PTPRT: variants seen among roughly 807,000 people sequenced by gnomAD.
PTPRT encodes the protein receptor-type tyrosine-protein phosphatase T.
A neutral mutation model predicts 176.8 loss-of-function variants in PTPRT; 56 were observed. That is an observed-to-expected ratio of 0.32 (90% confidence interval 0.26 to 0.40). The LOEUF (loss-of-function observed/expected upper bound fraction) is 0.40, where lower values mean the gene tolerates loss of function less well. Among genes scored for constraint, PTPRT ranks in the 10% least tolerant of loss-of-function variants. The pLI is 1.00. For missense variants in PTPRT, 1,540 were observed against 1,908.2 expected, an observed-to-expected ratio of 0.81 and a Z score of 3.60; for synonymous variants, 783 against 739.0, an observed-to-expected ratio of 1.06 and a Z score of -0.96.
intron 12 of PTPRT, among the ~76,000 whole-genome samples, chr20:42,310,118 T>C (rs916971073): frequency 5.3e-5 from 8 of 151,868 alleles, no homozygotes; most frequent in East Asian, 1.9e-4. Context: ...GTGAAAAACA[T>C]GTTGGAATGT....
At position 42,880,943 on chromosome 20, in the gene PTPRT, T is replaced by C. The variant is rs1003787228; in HGVS notation, c.214+4864A>G. ...ATTCACAGAGGTGGGGTGGAGGAAA[T>C]GTCTAAGCCCTCGATGCAGCAATGC... On this transcript the variant is annotated intron_variant, in intron 2 of 30. Coordinates refer to ENST00000373187, the MANE Select transcript of PTPRT (RefSeq NM_007050.6). 2.0e-5 allele frequency among the ~76,000 whole-genome samples: 3 copies of C among 152,224 alleles called. No homozygotes were observed. In the South Asian group the frequency reaches 6.2e-4, roughly 32 times the overall value.
chr20:42,389,087 G>A (rs59123936), intron 9 of PTPRT, among the ~76,000 whole-genome samples: 17,600 of 148,576 alleles, frequency 0.12, 1,452 homozygotes, highest in East Asian at 0.37. Flanking sequence ...GAGAACACTC[G>A]GACACAGGAA....
At chr20:42,689,423 G>A (rs774725303) in intron 6 of PTPRT, among the ~76,000 whole-genome samples, 2 of 152,116 alleles carry the variant, frequency 1.3e-5, no homozygotes, top group African/African-American at 2.4e-5. Context: ...ATCTCACTGA[G>A]AGCCACCTCC....
At chr20:42,723,413 T>C (rs1178885969) in intron 6 of PTPRT, among the ~76,000 whole-genome samples, 1 of 152,096 alleles carries the variant, frequency 6.6e-6, no homozygotes, top group East Asian at 1.9e-4. Flanking sequence ...CAGGGCGGCC[T>C]TCCCGGTGAG....
chr20:42,174,817 A>C (rs1990222871), intron 16 of PTPRT, among the ~76,000 whole-genome samples: 1 of 152,196 alleles, frequency 6.6e-6, no homozygotes, highest in South Asian at 2.1e-4. Flanking sequence ...CAAGTTACTC[A>C]ATCTCTCTGA....
chr20:42,814,236 G>A (rs2077743798), intron 2 of PTPRT, among the ~76,000 whole-genome samples: 1 of 151,964 alleles, frequency 6.6e-6, no homozygotes, highest in Non-Finnish European at 1.5e-5. Context: ...CCCTTGTTTT[G>A]GTGTTGTGGT....
intron 1 of PTPRT, among the ~76,000 whole-genome samples, chr20:42,944,510 A>C (rs1306876480): frequency 6.6e-6 from 1 of 152,128 alleles, no homozygotes; most frequent in Non-Finnish European, 1.5e-5. Context: ...TCTCAATTCT[A>C]TTCCTCCAAC....
intron 2 of PTPRT, among the ~76,000 whole-genome samples, chr20:42,848,168 C>T (rs1262179876): frequency 6.6e-6 from 1 of 152,116 alleles, no homozygotes; most frequent in Non-Finnish European, 1.5e-5. Context: ...TATTTTGTTC[C>T]TTTTTATGGC....
chr20:42,304,033 C>T (rs183466725), intron 12 of PTPRT, among the ~76,000 whole-genome samples: 84 of 152,266 alleles, frequency 5.5e-4, no homozygotes, highest in Admixed American at 2.9e-3. Flanking sequence ...ACTTGAGGAC[C>T]ATGATGTAAA....
intron 7 of PTPRT, among the ~76,000 whole-genome samples, chr20:42,578,000 T>G (rs886893485): frequency 6.6e-6 from 1 of 150,466 alleles, no homozygotes; most frequent in African/African-American, 2.4e-5. Flanking sequence ...TGAATTCCCA[T>G]TAGGAGGTGG....
At chr20:42,418,423 A>G (rs1434526388) in intron 9 of PTPRT, among the ~76,000 whole-genome samples, 1 of 152,226 alleles carries the variant, frequency 6.6e-6, no homozygotes, top group Non-Finnish European at 1.5e-5. Flanking sequence ...AACTGACCAC[A>G]TTATCAGCCT....
chr20:42,199,581 C>T (rs181838913), intron 15 of PTPRT, among the ~76,000 whole-genome samples, 193 bp from the exon 16 acceptor site: 29 of 152,292 alleles, frequency 1.9e-4, no homozygotes, highest in African/African-American at 6.7e-4. Context: ...ACGCTGCTGC[C>T]TCACCCCCGA....
At chr20:42,506,471 A>T (rs1159516276) in intron 7 of PTPRT, among the ~76,000 whole-genome samples, 1 of 152,130 alleles carries the variant, frequency 6.6e-6, no homozygotes, top group Non-Finnish European at 1.5e-5. Flanking sequence ...CTATTTCCAG[A>T]GTACTTTCCT....
intron 1 of PTPRT, among the ~76,000 whole-genome samples, chr20:43,165,742 G>C (rs75556628): frequency 6.6e-6 from 1 of 152,284 alleles, no homozygotes; most frequent in African/African-American, 2.4e-5. Context: ...TAAAATGGGA[G>C]AGATATGGTC....
At chr20:42,567,067 T>C (rs1489944716) in intron 7 of PTPRT, among the ~76,000 whole-genome samples, 1 of 151,962 alleles carries the variant, frequency 6.6e-6, no homozygotes, top group Non-Finnish European at 1.5e-5. Context: ...ATGTCAGGAG[T>C]TCGAGACCAG....
intron 7 of PTPRT, among the ~76,000 whole-genome samples, chr20:42,476,560 T>G (rs6093652): frequency 6.6e-5 from 10 of 152,106 alleles, no homozygotes; most frequent in African/African-American, 2.2e-4. Flanking sequence ...TACTGAAATC[T>G]TGGGAGATGA....
intron 1 of PTPRT, among the ~76,000 whole-genome samples, chr20:43,032,974 T>A (rs1465033360): frequency 6.6e-6 from 1 of 152,214 alleles, no homozygotes; most frequent in Non-Finnish European, 1.5e-5. Context: ...GCCAAGCCAT[T>A]GTGTCCTTAA....
At chr20:42,122,591 C>A (rs181123833) in intron 19 of PTPRT, among the ~76,000 whole-genome samples, 2 of 152,152 alleles carry the variant, frequency 1.3e-5, no homozygotes, top group Non-Finnish European at 2.9e-5. Flanking sequence ...CTCAAGTCTG[C>A]CCTCTTCTGC....
At position 42,109,270 on chromosome 20, in the gene PTPRT, A is replaced by G. The variant is rs150868814; in HGVS notation, c.3254+1063T>C. On this transcript the variant is annotated intron_variant, in intron 23 of 30. Coordinates refer to ENST00000373187, the MANE Select transcript of PTPRT (RefSeq NM_007050.6). The stretch of plus-strand genomic sequence containing the variant: ...AGGGCAGGGATGTGATAACTCAAGC[A>G]TCCAGGGTCTGAAAAGATGGGCTGC... Among the ~76,000 whole-genome samples, 3 of 152,336 alleles carry G rather than the reference A, an allele frequency of 2.0e-5. No homozygotes were observed. The East Asian group carries it at 5.8e-4, about 29-fold the overall frequency.
Sources: gnomAD v4.1 joint callset for allele counts (sites outside exome capture counted in the v4.1 genomes callset) on GRCh38, gnomAD v4.1.1 for gene constraint, MANE v1.5 for transcripts, NCBI Gene and HGNC (gene_info 2026-07-23, HGNC 2026-07-21) for gene names.